ZZZ3: variants seen among roughly 807,000 people sequenced by gnomAD.
The protein encoded by ZZZ3 is ZZ-type zinc finger-containing protein 3.
ZZZ3 carries 22 observed loss-of-function variants against 95.2 expected under a neutral mutation model. The ratio of observed to expected loss-of-function variants is 0.23; its 90% CI spans 0.17 to 0.33. ZZZ3 has a LOEUF of 0.33. ZZZ3 is among the 10% of genes least tolerant of loss of function. The probability of loss-of-function intolerance (pLI) is 1.00; values close to 1 mark genes in which losing one functional copy is unlikely to be tolerated. For missense variants in ZZZ3, 885 were observed against 1,066.5 expected, an observed-to-expected ratio of 0.83 and a Z score of 2.37; for synonymous variants, 335 against 358.9, an observed-to-expected ratio of 0.93 and a Z score of 0.75.
chr1:77,589,989 A>G (rs757348120), intron 5 of ZZZ3, among the ~76,000 whole-genome samples: 1 of 152,218 alleles, frequency 6.6e-6, no homozygotes, highest in Non-Finnish European at 1.5e-5. Context: ...AAAAAAACTA[A>G]TGGAGAAACA....
At position 77,576,059 on chromosome 1, in the gene ZZZ3, A is replaced by G. The variant is rs1353306861; in HGVS notation, c.2331+9T>C. ...TGATGTATATAACAACTTGATGTGTATAACTTACTGATGCATCTTCAACAG... is the reference window on the plus strand; with the variant it reads ...TGATGTATATAACAACTTGATGTGTGTAACTTACTGATGCATCTTCAACAG... On this transcript the variant is annotated intron_variant, in intron 12 of 14. Coordinates refer to ENST00000370801, the MANE Select transcript of ZZZ3 (RefSeq NM_015534.6). 3 of 1,599,918 alleles carry G rather than the reference A, an allele frequency of 1.9e-6. No homozygotes were observed. The highest frequency in any genetic ancestry group is 2.6e-6 in the Non-Finnish European group (3 of 1,175,366).
At chr1:77,572,080 G>C (rs932929010) in intron 12 of ZZZ3, among the ~76,000 whole-genome samples, 1 of 152,180 alleles carries the variant, frequency 6.6e-6, no homozygotes, top group Non-Finnish European at 1.5e-5. Context: ...ATGTAAGTAA[G>C]TGTTCTATCT....
At chr1:77,617,811 G>T (rs1666460654) in intron 5 of ZZZ3, among the ~76,000 whole-genome samples, 3 of 151,576 alleles carry the variant, frequency 2.0e-5, no homozygotes. Flanking sequence ...CAGGCGTGGT[G>T]ACAAGCACCT....
At chr1:77,602,298 G>A (rs927301920) in intron 5 of ZZZ3, among the ~76,000 whole-genome samples, 1 of 152,190 alleles carries the variant, frequency 6.6e-6, no homozygotes. Flanking sequence ...CAGAAAAGGT[G>A]CAGCTGTAAC....
At chr1:77,668,497 C>T (rs1172628856) in intron 1 of ZZZ3, among the ~76,000 whole-genome samples, 10 of 152,190 alleles carry the variant, frequency 6.6e-5, no homozygotes, top group Admixed American at 1.3e-4. Context: ...ATATCAAGTA[C>T]ATTATATACT....
At chr1:77,641,310 AG>A (rs1668759051) in intron 3 of ZZZ3, 73 bp downstream of exon 3, 1 of 362,850 alleles carries the variant, frequency 2.8e-6, no homozygotes, top group Admixed American at 4.6e-5. Context: ...AGTTCACTAT[AG>A]GAAGATTATC....
chr1:77,612,558 G>A (rs1024221489), intron 5 of ZZZ3, among the ~76,000 whole-genome samples: 4 of 151,916 alleles, frequency 2.6e-5, no homozygotes, highest in African/African-American at 9.7e-5. Context: ...GACAGACAAC[G>A]GACAAAGAAA....
intron 1 of ZZZ3, among the ~76,000 whole-genome samples, chr1:77,668,260 A>G (rs966953368): frequency 6.6e-6 from 1 of 152,066 alleles, no homozygotes; most frequent in African/African-American, 2.4e-5. Context: ...TTCTTTTCTG[A>G]ACTTTCTGAA....
chr1:77,586,734 T>G (rs535887701), intron 5 of ZZZ3, among the ~76,000 whole-genome samples: 1 of 152,296 alleles, frequency 6.6e-6, no homozygotes, highest in South Asian at 2.1e-4. Flanking sequence ...TAATGAAGAC[T>G]CTAAGAAAAT....
chr1:77,644,463 T>C (rs1003510697), intron 1 of ZZZ3, among the ~76,000 whole-genome samples: 1 of 152,234 alleles, frequency 6.6e-6, no homozygotes, highest in African/African-American at 2.4e-5. Flanking sequence ...AAGAGTACAT[T>C]TTCTGCTCAG....
intron 12 of ZZZ3, among the ~76,000 whole-genome samples, chr1:77,574,123 T>G (rs1042733503): frequency 6.1e-5 from 9 of 148,304 alleles, no homozygotes; most frequent in Non-Finnish European, 4.5e-5. Flanking sequence ...TAGATATATA[T>G]ATAGATAGAT....
At chr1:77,679,535 C>T (rs1672560510) in intron 1 of ZZZ3, among the ~76,000 whole-genome samples, 1 of 152,116 alleles carries the variant, frequency 6.6e-6, no homozygotes, top group South Asian at 2.1e-4. Flanking sequence ...ATCCTCCCAC[C>T]TCGGCCTCCC....
chr1:77,646,106 T>C (rs1669245256), intron 1 of ZZZ3, among the ~76,000 whole-genome samples: 1 of 152,210 alleles, frequency 6.6e-6, no homozygotes, highest in East Asian at 1.9e-4. Context: ...AGATTCTTCC[T>C]CCTAAATATT....
At chr1:77,639,375 C>T (rs1017044128) in intron 4 of ZZZ3, 74 bp downstream of exon 4, 3 of 1,246,470 alleles carry the variant, frequency 2.4e-6, no homozygotes, top group Admixed American at 6.0e-5. Context: ...AACAAGTCTC[C>T]CCATCTCAAA....
intron 5 of ZZZ3, among the ~76,000 whole-genome samples, chr1:77,615,929 C>G (rs543909705): frequency 2.0e-5 from 3 of 152,154 alleles, no homozygotes; most frequent in East Asian, 3.9e-4. Flanking sequence ...AGGGCCCCCC[C>G]ACCACACACA....
In ZZZ3 at chr1:77,633,257, A is replaced by G; in HGVS notation, c.98T>C (p.Ile33Thr). The change falls in exon 5 of 15, where the codon ATT becomes ACT. Residue 33 changes from isoleucine to threonine, a missense_variant. Coordinates refer to ENST00000370801, the MANE Select transcript of ZZZ3 (RefSeq NM_015534.6). The part of the protein sequence containing the change: ...FCGRTLRNRS[I>T]AHPEEISSNS... ...AGAAGAGATTTCTTCAGGATGCGCA[A>G]TGCTACGATTCCTTAAAGTTCTACC... The G allele has an allele frequency of 6.2e-7, 1 of 1,614,088 alleles. No homozygotes were observed. Among genetic ancestry groups the G allele is most frequent in the Non-Finnish European group, 8.5e-7 (1 of 1,179,982 alleles).
intron 4 of ZZZ3, among the ~76,000 whole-genome samples, chr1:77,635,487 T>C (rs1350712644): frequency 1.3e-5 from 2 of 152,230 alleles, no homozygotes; most frequent in Admixed American, 6.5e-5. Flanking sequence ...TTAATTATCG[T>C]TTGCTAATAT....
At chr1:77,578,658 G>T (rs1011027408) in intron 11 of ZZZ3, 116 bp downstream of exon 11, 20 of 548,000 alleles carry the variant, frequency 3.6e-5, no homozygotes, top group Non-Finnish European at 5.1e-5. Flanking sequence ...GAAATGCTTA[G>T]AATGAACAGA....
At chr1:77,575,524 G>A (rs891658205) in intron 12 of ZZZ3, among the ~76,000 whole-genome samples, 6 of 151,944 alleles carry the variant, frequency 3.9e-5, no homozygotes, top group Non-Finnish European at 5.9e-5. Flanking sequence ...GAAAACAGAG[G>A]AACAGATTAA....
Sources: allele counts gnomAD v4.1 joint callset (sites outside exome capture counted in the v4.1 genomes callset), GRCh38; gene constraint gnomAD v4.1.1; transcripts MANE v1.5; gene names NCBI Gene and HGNC (gene_info 2026-07-23, HGNC 2026-07-21).